The following RBFOX1 variants were observed in gnomAD, a reference collection of about 807,000 sequenced individuals.
The protein encoded by RBFOX1 is RNA binding protein fox-1 homolog 1.
Under a neutral mutation model 57.7 loss-of-function variants are expected in RBFOX1, and 8 were observed. That is an observed-to-expected ratio of 0.14 (90% confidence interval 0.08 to 0.25). The LOEUF (loss-of-function observed/expected upper bound fraction) is 0.25, where lower values mean the gene tolerates loss of function less well. RBFOX1 is among the 10% of genes least tolerant of loss of function. The pLI is 1.00. For synonymous variants in RBFOX1, 326 were observed against 222.4 expected (o/e 1.47, Z -4.15); for missense variants, 611 against 548.5 (o/e 1.11, Z -1.14).
chr16:6,552,213 C>G (rs1376620592), intron 2 of RBFOX1, among the ~76,000 whole-genome samples: 2 of 152,086 alleles, frequency 1.3e-5, no homozygotes, highest in South Asian at 2.1e-4. Flanking sequence ...CTCATTTAAG[C>G]TGAATTAGAC....
intron 5 of RBFOX1, among the ~76,000 whole-genome samples, chr16:7,541,404 C>A (rs148248261): frequency 1.0e-3 from 154 of 152,182 alleles, no homozygotes; most frequent in Non-Finnish European, 1.7e-3. Flanking sequence ...GGAGATTGCT[C>A]CTTTCTGCTA....
chr16:6,143,736 C>T lies in RBFOX1; in HGVS notation c.-127+123744C>T, dbSNP rs571397976. ...TGTGGGAAAGCTCAAAGTTTGCTCCCAAACTCTTAAGTAGAAGACTACCTG... is the reference window on the plus strand; with the variant it reads ...TGTGGGAAAGCTCAAAGTTTGCTCCTAAACTCTTAAGTAGAAGACTACCTG... On this transcript the variant is annotated intron_variant, in intron 1 of 15. Coordinates refer to ENST00000550418, the MANE Select transcript of RBFOX1 (RefSeq NM_018723.4). 1.8e-4 allele frequency among the ~76,000 whole-genome samples: 27 copies of T among 152,144 alleles called. 1 individual carries two copies. Among genetic ancestry groups the T allele is most frequent in the African/African-American group, 6.5e-4 (27 of 41,486 alleles).
chr16:6,344,391 C>CTTTCTT (rs1211690812), intron 2 of RBFOX1, among the ~76,000 whole-genome samples: 55 of 94,394 alleles, frequency 5.8e-4, no homozygotes, highest in Non-Finnish European at 2.1e-4. Context: ...CTCTCTTCTT[C>CTTTCTT]TTTTTTCTTT....
intron 2 of RBFOX1, among the ~76,000 whole-genome samples, chr16:6,420,248 A>T (rs1377854812): frequency 6.6e-6 from 1 of 152,158 alleles, no homozygotes; most frequent in African/African-American, 2.4e-5. Context: ...AGATGCAGTA[A>T]TTTCTCATAT....
chr16:5,262,974 C>G (rs1253450141), intron 1 of RBFOX1, among the ~76,000 whole-genome samples: 1 of 152,024 alleles, frequency 6.6e-6, no homozygotes, highest in Non-Finnish European at 1.5e-5. Context: ...ATCTTTACTT[C>G]TAGGCTGAGT....
At chr16:7,488,865 C>T (rs141145236) in intron 4 of RBFOX1, among the ~76,000 whole-genome samples, 6 of 152,272 alleles carry the variant, frequency 3.9e-5, no homozygotes, top group South Asian at 2.1e-4. Context: ...ATACATTCAT[C>T]CCCTACTTAT....
chr16:7,699,938 C>G (rs753563807), intron 14 of RBFOX1, among the ~76,000 whole-genome samples: 4 of 152,096 alleles, frequency 2.6e-5, no homozygotes, highest in Non-Finnish European at 4.4e-5. Flanking sequence ...AATGTTGTGA[C>G]AGATAATCTG....
At chr16:5,551,440 T>G (rs1171557651) in intron 2 of RBFOX1, among the ~76,000 whole-genome samples, 1 of 152,196 alleles carries the variant, frequency 6.6e-6, no homozygotes, top group East Asian at 1.9e-4. Context: ...GCATCTCTTG[T>G]TACCACTAAA....
intron 1 of RBFOX1, among the ~76,000 whole-genome samples, chr16:6,229,372 T>C (rs2097441321): frequency 6.6e-6 from 1 of 152,228 alleles, no homozygotes; most frequent in Non-Finnish European, 1.5e-5. Context: ...GCCACTAGGC[T>C]CACAAGGACT....
At chr16:6,748,785 GATTA>G (rs1193689923) in intron 3 of RBFOX1, 1 of 152,134 alleles carries the variant, frequency 6.6e-6, no homozygotes, top group Non-Finnish European at 1.5e-5. Flanking sequence ...CAGAGGTTAT[GATTA>G]ATTATCTTTA....
chr16:6,178,798 T>C lies in RBFOX1; in HGVS notation c.-126-138197T>C, dbSNP rs943126333. ...ATGTAACTCTCAAAACTCACTTTAA[T>C]TGATCTTTTTAGCAAGGGCCTGTTT... On this transcript the variant is annotated intron_variant, in intron 1 of 15. Transcript: ENST00000550418. 2.0e-5 allele frequency among the ~76,000 whole-genome samples: 3 copies of C among 152,168 alleles called. No homozygotes were observed. In the East Asian group the frequency reaches 5.8e-4, roughly 29 times the overall value.
At chr16:5,616,066 G>A (rs1178102975) in intron 3 of RBFOX1, 1 of 152,560 alleles carries the variant, frequency 6.6e-6, no homozygotes, top group Non-Finnish European at 1.5e-5. Context: ...CCTGCTCCGG[G>A]GTCTCTCTGG....
At chr16:5,287,253 C>G (rs1012536176) in intron 1 of RBFOX1, among the ~76,000 whole-genome samples, 1 of 152,026 alleles carries the variant, frequency 6.6e-6, no homozygotes. Context: ...ATAGTGAGCT[C>G]TGACTGTTCC....
Position 6,794,650 on chromosome 16 carries a change from C to G in RBFOX1, c.-16+140000C>G, listed in dbSNP as rs567131386. ...AGGCATGTAAAGCGGGTGAGAGAAA[C>G]CAAACCCTTCCCCCCATCACTTATG... On this transcript the variant is annotated intron_variant, in intron 3 of 15. Coordinates refer to ENST00000550418, the MANE Select transcript of RBFOX1 (RefSeq NM_018723.4). Among the ~76,000 whole-genome samples the G allele has an allele frequency of 8.3e-4, 126 of 152,224 alleles. 1 individual carries two copies. The highest frequency in any genetic ancestry group is 1.3e-3 in the Non-Finnish European group (87 of 68,010).
intron 7 of RBFOX1, among the ~76,000 whole-genome samples, chr16:7,591,766 T>G (rs1192508056): frequency 6.6e-6 from 1 of 152,192 alleles, no homozygotes; most frequent in Non-Finnish European, 1.5e-5. Flanking sequence ...CAAGCCAAGC[T>G]CAGAATGTGC....
intron 3 of RBFOX1, among the ~76,000 whole-genome samples, chr16:6,944,279 C>T (rs930409727): frequency 3.3e-5 from 5 of 151,838 alleles, no homozygotes; most frequent in East Asian, 1.9e-4. Flanking sequence ...CCTGTAATCC[C>T]AGCTAGTCAG....
rs373611732 is a variant in RBFOX1 at position 7,710,750 on chromosome 16, C to T, written c.*5C>T. 1 of 1,563,718 alleles carries T rather than the reference C, an allele frequency of 6.4e-7. No individual in the cohort carries two copies. Among genetic ancestry groups the T allele is most frequent in the Non-Finnish European group, 8.6e-7 (1 of 1,159,796 alleles). ...AACCGTTTTGCTCCATACTAAATGA[C>T]AAAACCATAAAAACCTTCCAATGTG... On this transcript the variant is annotated 3_prime_UTR_variant, in exon 16 of 16. Coordinates refer to ENST00000550418, the MANE Select transcript of RBFOX1 (RefSeq NM_018723.4).
intron 3 of RBFOX1, among the ~76,000 whole-genome samples, chr16:6,924,334 A>G (rs1277589652): frequency 1.3e-5 from 2 of 151,974 alleles, no homozygotes; most frequent in African/African-American, 4.8e-5. Context: ...TCATCATGGG[A>G]GGCATGTTGG....
At chr16:6,446,770 G>T (rs957225848) in intron 2 of RBFOX1, among the ~76,000 whole-genome samples, 2 of 152,054 alleles carry the variant, frequency 1.3e-5, no homozygotes, top group African/African-American at 4.8e-5. Flanking sequence ...TTTAGTGTCT[G>T]CATTATAATA....
Sources: gnomAD v4.1 joint callset for allele counts (sites outside exome capture counted in the v4.1 genomes callset) on GRCh38, gnomAD v4.1.1 for gene constraint, MANE v1.5 for transcripts, NCBI Gene and HGNC (gene_info 2026-07-23, HGNC 2026-07-21) for gene names.